Variants in TRANK1 observed in about 807,000 individuals in gnomAD.
TRANK1 encodes TPR and ankyrin repeat-containing protein 1.
Under a neutral mutation model 266.0 loss-of-function variants are expected in TRANK1, and 198 were observed. The ratio of observed to expected loss-of-function variants is 0.74; its 90% CI spans 0.66 to 0.84. TRANK1 has a LOEUF of 0.84. Among genes scored for constraint, TRANK1 ranks in the 40% least tolerant of loss-of-function variants. TRANK1 has a pLI of 0.00. For missense variants in TRANK1, 3,326 were observed against 3,634.6 expected (o/e 0.92, Z 2.18); for synonymous variants, 1,396 against 1,384.1 (o/e 1.01, Z -0.19).
intron 4 of TRANK1, among the ~76,000 whole-genome samples, chr3:36,897,377 T>C (rs1032393537): frequency 6.6e-6 from 1 of 152,184 alleles, no homozygotes; most frequent in Non-Finnish European, 1.5e-5. Context: ...CTGGCTACTG[T>C]TGGCAAAAGA....
rs1323738866 is a variant in TRANK1 at position 36,827,380 on chromosome 3, C to A, written c.*895G>T. ...GTGATGAGCTCAGCAAGCAGAGACT[C>A]ATCAGAACGTCAGCCTAAGCTAGGG... On this transcript the variant is annotated 3_prime_UTR_variant, in exon 24 of 24. Transcript: ENST00000645898. 6.6e-6 allele frequency: 1 copy of A among 152,356 alleles called. No individual in the cohort carries two copies. The highest frequency in any genetic ancestry group is 1.5e-5 in the Non-Finnish European group (1 of 68,130). 9.4% of individuals were successfully genotyped at this position (152,356 alleles called of 1,614,324 possible).
At chr3:36,841,359 C>A (rs953605819) in intron 18 of TRANK1, among the ~76,000 whole-genome samples, 1 of 152,200 alleles carries the variant, frequency 6.6e-6, no homozygotes, top group Non-Finnish European at 1.5e-5. Context: ...AACCCAGATC[C>A]AGTTGTTGTT....
chr3:36,944,068 A>T (rs2080535437), intron 1 of TRANK1, among the ~76,000 whole-genome samples: 1 of 152,078 alleles, frequency 6.6e-6, no homozygotes, highest in Non-Finnish European at 1.5e-5. Flanking sequence ...GGAGACAGGG[A>T]GTTGGGAGGA....
chr3:36,879,204 A>G (rs1260871581), intron 8 of TRANK1, among the ~76,000 whole-genome samples: 1 of 151,992 alleles, frequency 6.6e-6, no homozygotes, highest in Non-Finnish European at 1.5e-5. Context: ...ATATATACAT[A>G]CACAAAAACA....
At chr3:36,903,322 A>G in intron 2 of TRANK1, 47 bp from the exon 3 acceptor site, 1 of 1,520,078 alleles carries the variant, frequency 6.6e-7, no homozygotes, top group Non-Finnish European at 8.8e-7. Context: ...AAATACAGAA[A>G]ACAGTCTGTG....
In TRANK1 at chr3:36,833,399, C is replaced by T. The variant is rs368921231; in HGVS notation, c.6184G>A (p.Val2062Met). Residue 2062 changes from valine (V) to methionine (M), a missense_variant, in exon 22 of 24, where the codon GTG (valine) becomes ATG (methionine). Val to Met is a conservative substitution (Grantham distance 21). Coordinates refer to ENST00000645898, the MANE Select transcript of TRANK1 (RefSeq NM_001329998.2). Reference protein sequence around the residue: ...KFDTLNHSAGVVEALYEAASQ... With the variant: ...KFDTLNHSAGMVEALYEAASQ... ...GCTGCTTCGTAGAGTGCTTCCACCA[C>T]TCCAGCTGAGTGGTTGAGCGTGTCA... 38 of 1,613,804 alleles carry T rather than the reference C, an allele frequency of 2.4e-5. No individual in the cohort carries two copies. The highest frequency in any genetic ancestry group is 3.1e-5 in the Non-Finnish European group (36 of 1,179,846).
chr3:36,845,221 C>A (rs958222383), intron 17 of TRANK1, among the ~76,000 whole-genome samples: 2 of 152,192 alleles, frequency 1.3e-5, no homozygotes, highest in Non-Finnish European at 2.9e-5. Context: ...TATATGCATG[C>A]TATCTCTCCA....
At chr3:36,858,498 T>C (rs532798822) in intron 12 of TRANK1, among the ~76,000 whole-genome samples, 2 of 152,302 alleles carry the variant, frequency 1.3e-5, no homozygotes, top group African/African-American at 4.8e-5. Flanking sequence ...TCTGGAACTT[T>C]AGAATCCTCC....
intron 1 of TRANK1, among the ~76,000 whole-genome samples, chr3:36,943,988 G>C (rs1374046116): frequency 1.3e-5 from 2 of 152,160 alleles, no homozygotes; most frequent in Non-Finnish European, 2.9e-5. Flanking sequence ...AGAAAAGGTG[G>C]CTTGAGCTGC....
chr3:36,944,690 AG>A, intron 1 of TRANK1, 96 bp downstream of exon 1: 2 of 1,405,444 alleles, frequency 1.4e-6, no homozygotes, highest in Non-Finnish European at 1.9e-6. Context: ...CCGCTACCTC[AG>A]GGTCGCCAGT....
chr3:36,881,547 A>G (rs568523544), intron 8 of TRANK1, among the ~76,000 whole-genome samples: 14 of 152,208 alleles, frequency 9.2e-5, no homozygotes, highest in Non-Finnish European at 1.6e-4. Context: ...CAGGAGGCAG[A>G]GGCTACAGTA....
intron 13 of TRANK1, among the ~76,000 whole-genome samples, chr3:36,852,894 A>G (rs1449614652): frequency 6.6e-6 from 1 of 152,074 alleles, no homozygotes; most frequent in Non-Finnish European, 1.5e-5. Context: ...GTGCTTACAG[A>G]ACCAATATTA....
At position 36,832,981 on chromosome 3, in the gene TRANK1, C is replaced by T; in HGVS notation, c.6602G>A (p.Cys2201Tyr). ...AAAATGTTCACAGTTTTCATCCTCACATTTTAAGCCTACAATAAACCTCAT... is the reference window on the plus strand; with the variant it reads ...AAAATGTTCACAGTTTTCATCCTCATATTTTAAGCCTACAATAAACCTCAT... The part of the protein sequence containing the change: ...VCMRFIVGLK[C>Y]EDENCEHFHR... The change falls in exon 22 of 24, where the codon TGT (cysteine) becomes TAT (tyrosine). Residue 2201 changes from cysteine (C) to tyrosine (Y), a missense_variant. Transcript: ENST00000645898. 2 of 1,611,216 alleles carry T rather than the reference C, an allele frequency of 1.2e-6. No homozygotes were observed. Among genetic ancestry groups the T allele is most frequent in the South Asian group, 1.1e-5 (1 of 90,694 alleles).
chr3:36,940,731 C>A (rs913028105), intron 1 of TRANK1, among the ~76,000 whole-genome samples: 4 of 152,168 alleles, frequency 2.6e-5, no homozygotes, highest in African/African-American at 7.2e-5. Flanking sequence ...CGTTCTATCA[C>A]AATTAGCAGA....
chr3:36,927,449 C>T (rs1294377378), intron 1 of TRANK1, among the ~76,000 whole-genome samples: 1 of 152,172 alleles, frequency 6.6e-6, no homozygotes, highest in South Asian at 2.1e-4. Context: ...CTTCCTTCAC[C>T]CAACTATCAC....
chr3:36,945,440 T>A (rs926485081), upstream of TRANK1, among the ~76,000 whole-genome samples: 1 of 151,466 alleles, frequency 6.6e-6, no homozygotes, highest in Non-Finnish European at 1.5e-5. Flanking sequence ...AGCTCAGGAG[T>A]CGGGCGAATA....
chr3:36,895,483 A>G (rs865930099), intron 5 of TRANK1, among the ~76,000 whole-genome samples, 157 bp downstream of exon 5: 1 of 152,188 alleles, frequency 6.6e-6, no homozygotes, highest in South Asian at 2.1e-4. Context: ...TAATTAATCT[A>G]TCTCAAAGAC....
chr3:36,855,533 G>C lies in TRANK1; in HGVS notation c.4189C>G (p.Leu1397Val). 2.5e-6 allele frequency: 4 copies of C among 1,613,910 alleles called. No individual in the cohort carries two copies. Among genetic ancestry groups the C allele is most frequent in the Non-Finnish European group, 3.4e-6 (4 of 1,179,886 alleles). The change falls in exon 13 of 24, where the codon CTG (leucine) becomes GTG (valine). Residue 1397 changes from leucine to valine, a missense_variant. Physicochemically the swap from Leu to Val is conservative, Grantham distance 32. Transcript: ENST00000645898. Reference protein sequence around the residue: ...DRSEIYSLFSLYQQIRSQKGY... With the variant: ...DRSEIYSLFSVYQQIRSQKGY... ...TTCTGGGACCTGATTTGCTGATACA[G>C]ACTGAAGAGGCTGTAGATCTCACTC...
chr3:36,883,534 CAA>C (rs34266450), intron 8 of TRANK1, among the ~76,000 whole-genome samples: 44 of 134,592 alleles, frequency 3.3e-4, no homozygotes, highest in Middle Eastern at 3.9e-3. Context: ...ACTCTTCATG[CAA>C]AAAAAAAAAA....
Sources: gnomAD v4.1 joint callset for allele counts (sites outside exome capture counted in the v4.1 genomes callset) on GRCh38, gnomAD v4.1.1 for gene constraint, MANE v1.5 for transcripts, NCBI Gene and HGNC (gene_info 2026-07-23, HGNC 2026-07-21) for gene names.